Variants in EYA1 observed in about 807,000 individuals in gnomAD.
EYA1 encodes EYA transcriptional coactivator and phosphatase 1, also known as protein phosphatase EYA1.
A neutral mutation model predicts 82.0 loss-of-function variants in EYA1; 16 were observed. The ratio of observed to expected loss-of-function variants is 0.20; its 90% confidence interval spans 0.13 to 0.30. The LOEUF (loss-of-function observed/expected upper bound fraction) is 0.30, where lower values mean the gene tolerates loss of function less well. Ranked by LOEUF, EYA1 falls within the 10% of genes least tolerant of loss-of-function variation. The pLI is 1.00. For missense variants in EYA1, 633 were observed against 730.7 expected (o/e 0.87, Z 1.54); for synonymous variants, 261 against 264.4 (o/e 0.99, Z 0.12).
intron 2 of EYA1, among the ~76,000 whole-genome samples, chr8:71,396,065 T>C (rs1374967509): frequency 6.6e-6 from 1 of 152,220 alleles, no homozygotes; most frequent in African/African-American, 2.4e-5. Flanking sequence ...CTAGATTTTC[T>C]AGTTTATTTG....
At chr8:71,485,377 A>G (rs1810481155) in intron 2 of EYA1, among the ~76,000 whole-genome samples, 1 of 152,200 alleles carries the variant, frequency 6.6e-6, no homozygotes, top group Non-Finnish European at 1.5e-5. Flanking sequence ...AAATACAAAT[A>G]ATGTGTTCCT....
chr8:71,309,913 G>A (rs1821148053), intron 7 of EYA1, among the ~76,000 whole-genome samples: 2 of 152,170 alleles, frequency 1.3e-5, no homozygotes, highest in African/African-American at 4.8e-5. Flanking sequence ...CACAAAGAGG[G>A]AGTGAGAATT....
intron 11 of EYA1, among the ~76,000 whole-genome samples, chr8:71,269,133 G>A (rs75499025): frequency 0.039 from 5,864 of 152,138 alleles, 378 homozygotes; most frequent in African/African-American, 0.13. Context: ...TGTACAACAT[G>A]GAAACCAAAG....
chr8:71,539,106 G>A (rs187681822), intron 1 of EYA1, among the ~76,000 whole-genome samples: 1 of 152,146 alleles, frequency 6.6e-6, no homozygotes, highest in East Asian at 1.9e-4. Context: ...CAAGGACTAA[G>A]AGGCATCTAG....
intron 9 of EYA1, among the ~76,000 whole-genome samples, chr8:71,297,005 A>G (rs1819667481): frequency 6.6e-6 from 1 of 152,116 alleles, no homozygotes; most frequent in African/African-American, 2.4e-5. Context: ...ATTATGCAAC[A>G]CAAGAAAGGC....
At chr8:71,281,296 G>A (rs1817788509) in intron 9 of EYA1, among the ~76,000 whole-genome samples, 4 of 152,016 alleles carry the variant, frequency 2.6e-5, no homozygotes, top group South Asian at 2.1e-4. Context: ...ACTCACAATG[G>A]GCTGCAACCT....
At chr8:71,330,886 C>T (rs1004476282) in intron 4 of EYA1, among the ~76,000 whole-genome samples, 8 of 151,670 alleles carry the variant, frequency 5.3e-5, no homozygotes, top group Admixed American at 2.6e-4. Flanking sequence ...TATGCATACG[C>T]ATATGTACCT....
At chr8:71,238,103 A>C (rs752531566) in intron 12 of EYA1, among the ~76,000 whole-genome samples, 7 of 152,066 alleles carry the variant, frequency 4.6e-5, no homozygotes, top group Non-Finnish European at 7.4e-5. Context: ...TCATTTACCT[A>C]TATATTCTCC....
At chr8:71,479,076 T>C (rs1049217815) in intron 2 of EYA1, among the ~76,000 whole-genome samples, 6 of 152,132 alleles carry the variant, frequency 3.9e-5, no homozygotes, top group African/African-American at 1.2e-4. Flanking sequence ...TGCTATGTGA[T>C]AGGGACCTAC....
intron 2 of EYA1, among the ~76,000 whole-genome samples, chr8:71,495,829 G>T (rs903733953): frequency 3.9e-5 from 6 of 152,046 alleles, no homozygotes; most frequent in Admixed American, 1.3e-4. Context: ...TGGGTGAAAA[G>T]GTAATGTCTT....
chr8:71,417,624 T>A (rs1341509775), intron 2 of EYA1, among the ~76,000 whole-genome samples: 1 of 152,180 alleles, frequency 6.6e-6, no homozygotes, highest in Non-Finnish European at 1.5e-5. Context: ...AATTTCTGGT[T>A]GTTACAACTA....
At chr8:71,469,085 T>C (rs1808986753) in intron 2 of EYA1, among the ~76,000 whole-genome samples, 1 of 152,104 alleles carries the variant, frequency 6.6e-6, no homozygotes, top group African/African-American at 2.4e-5. Flanking sequence ...TGTTCATTCA[T>C]TTATTCTTTT....
intron 3 of EYA1, among the ~76,000 whole-genome samples, chr8:71,336,249 G>C (rs1270839741): frequency 6.6e-6 from 1 of 152,172 alleles, no homozygotes; most frequent in African/African-American, 2.4e-5. Context: ...CCACAACAAG[G>C]CTGCTGGGGC....
chr8:71,351,247 G>A (rs1045460919), intron 3 of EYA1, among the ~76,000 whole-genome samples: 3 of 152,118 alleles, frequency 2.0e-5, no homozygotes, highest in Admixed American at 6.5e-5. Context: ...GTTGAAAGAC[G>A]GGCCATGATT....
At chr8:71,367,855 C>T (rs1586563691) in intron 2 of EYA1, among the ~76,000 whole-genome samples, 1 of 152,122 alleles carries the variant, frequency 6.6e-6, no homozygotes, top group African/African-American at 2.4e-5. Flanking sequence ...ATGTGACATA[C>T]TAAGGAAAAC....
At chr8:71,259,125 T>G (rs2128928678) in intron 11 of EYA1, among the ~76,000 whole-genome samples, 1 of 152,294 alleles carries the variant, frequency 6.6e-6, no homozygotes, top group Non-Finnish European at 1.5e-5. Flanking sequence ...ATCCAGCAGC[T>G]TTCTCCCTAC....
chr8:71,317,409 T>C, intron 7 of EYA1, 143 bp downstream of exon 7: 3 of 805,736 alleles, frequency 3.7e-6, no homozygotes, highest in South Asian at 1.5e-5. Flanking sequence ...AAGTGATGAA[T>C]CAAACTAGAA....
chr8:71,502,271 T>A (rs936023360), intron 2 of EYA1, among the ~76,000 whole-genome samples: 24 of 152,224 alleles, frequency 1.6e-4, no homozygotes, highest in African/African-American at 5.8e-4. Flanking sequence ...CCTATCTGTA[T>A]ATATTTTATT....
intron 3 of EYA1, among the ~76,000 whole-genome samples, chr8:71,347,993 T>C (rs1179267870): frequency 7.3e-5 from 11 of 150,424 alleles, no homozygotes; most frequent in Admixed American, 7.3e-4. Context: ...AACGTTAACA[T>C]AAACCCTTGA....
Sources: allele counts gnomAD v4.1 joint callset (sites outside exome capture counted in the v4.1 genomes callset), GRCh38; gene constraint gnomAD v4.1.1; transcripts MANE v1.5; gene names NCBI Gene and HGNC (gene_info 2026-07-23, HGNC 2026-07-21).